DENND1A: variants seen among roughly 807,000 people sequenced by gnomAD.
DENND1A encodes the protein DENN domain containing 1A.
DENND1A carries 51 observed loss-of-function variants against 113.7 expected under a neutral mutation model. The ratio of observed to expected loss-of-function variants is 0.45; its 90% confidence interval spans 0.36 to 0.57. The LOEUF (loss-of-function observed/expected upper bound fraction) is 0.57, where lower values mean the gene tolerates loss of function less well. Among genes scored for constraint, DENND1A ranks in the 20% least tolerant of loss-of-function variants. DENND1A has a pLI of 0.00. For missense variants in DENND1A, 1,258 were observed against 1,395.9 expected (o/e 0.90, Z 1.57); for synonymous variants, 565 against 570.8 (o/e 0.99, Z 0.14).
rs542738443 is a variant in DENND1A, at chr9:123,415,119, G to A, written c.1489-3290C>T. ...CTAAAAGTTAGCAGAGTGAGCCAGC[G>A]GGATATAAAGATGCCAAGAAAGAGT... On this transcript the variant is annotated intron_variant, in intron 19 of 23. Coordinates refer to ENST00000394215, the MANE Select transcript of DENND1A (RefSeq NM_001352964.2). Among the ~76,000 whole-genome samples the A allele has an allele frequency of 2.2e-4, 33 of 152,276 alleles. 2 individuals are homozygous for A. In the South Asian group the frequency reaches 6.0e-3, roughly 28 times the overall value.
At chr9:123,413,741 T>C in intron 19 of DENND1A, 3 of 985,298 alleles carry the variant, frequency 3.0e-6, no homozygotes, top group Non-Finnish European at 3.6e-6. Flanking sequence ...TACCCGGGAG[T>C]TGGGGGTGCT....
Position 123,667,087 on chromosome 9 carries a change from A to G in DENND1A, c.454-8T>C. The G allele has an allele frequency of 6.3e-7, 1 of 1,597,722 alleles. No homozygotes were observed. Among genetic ancestry groups the G allele is most frequent in the Non-Finnish European group, 8.5e-7 (1 of 1,174,938 alleles). On this transcript the variant is annotated splice_region_variant and splice_polypyrimidine_tract_variant and intron_variant, in intron 7 of 23. Coordinates refer to ENST00000394215, the MANE Select transcript of DENND1A (RefSeq NM_001352964.2). The stretch of plus-strand genomic sequence containing the variant: ...CACAGTAAAATAAGAATGCTAGAAA[A>G]GAAAAGCAAAAGTGATTTATTTCTG...
intron 9 of DENND1A, among the ~76,000 whole-genome samples, chr9:123,637,766 T>C (rs1478370077): frequency 1.3e-5 from 2 of 152,174 alleles, no homozygotes; most frequent in Admixed American, 6.5e-5. Context: ...AAACAGTGTC[T>C]TGCTTTTCTT....
intron 21 of DENND1A, among the ~76,000 whole-genome samples, chr9:123,395,378 G>C (rs1253493924): frequency 6.6e-6 from 1 of 152,064 alleles, no homozygotes. Flanking sequence ...GGTATTCTTG[G>C]CACTTCCTGC....
chr9:123,892,940 C>T (rs1850147955), intron 1 of DENND1A, among the ~76,000 whole-genome samples: 1 of 152,000 alleles, frequency 6.6e-6, no homozygotes, highest in South Asian at 2.1e-4. Context: ...CGAGATCGCG[C>T]CACTGCACTC....
At chr9:123,847,487 C>T (rs973098869) in intron 2 of DENND1A, among the ~76,000 whole-genome samples, 1 of 152,026 alleles carries the variant, frequency 6.6e-6, no homozygotes, top group Admixed American at 6.6e-5. Flanking sequence ...ATATAGGAAG[C>T]CAGAAGACAA....
At chr9:123,640,072 C>T (rs1253465096) in intron 9 of DENND1A, among the ~76,000 whole-genome samples, 2 of 152,210 alleles carry the variant, frequency 1.3e-5, no homozygotes, top group African/African-American at 4.8e-5. Context: ...GAAACTGCTT[C>T]TGTGCTCTGA....
At chr9:123,840,326 T>C (rs1841642633) in intron 2 of DENND1A, among the ~76,000 whole-genome samples, 1 of 152,068 alleles carries the variant, frequency 6.6e-6, no homozygotes, top group Admixed American at 6.5e-5. Flanking sequence ...GAAAAAGCTC[T>C]TTGATGTTTC....
chr9:123,877,883 T>C (rs1198442124), intron 2 of DENND1A, among the ~76,000 whole-genome samples: 1 of 151,902 alleles, frequency 6.6e-6, no homozygotes, highest in African/African-American at 2.4e-5. Flanking sequence ...AACAAAGGTG[T>C]TGTCTATGGG....
At chr9:123,674,845 T>C (rs978491137) in intron 6 of DENND1A, among the ~76,000 whole-genome samples, 5 of 150,632 alleles carry the variant, frequency 3.3e-5, no homozygotes, top group Non-Finnish European at 1.5e-5. Flanking sequence ...TTTTCTCTTT[T>C]TTTTTTTTTT....
intron 11 of DENND1A, among the ~76,000 whole-genome samples, chr9:123,593,030 G>C (rs2059530694): frequency 6.6e-6 from 1 of 152,182 alleles, no homozygotes; most frequent in Non-Finnish European, 1.5e-5. Context: ...ACTCAATTGA[G>C]ATTCTATTTC....
intron 12 of DENND1A, among the ~76,000 whole-genome samples, chr9:123,581,727 A>G (rs1702476039): frequency 1.3e-5 from 2 of 152,192 alleles, no homozygotes; most frequent in Non-Finnish European, 2.9e-5. Context: ...TCTGGCAGTG[A>G]TGGTGCACCA....
chr9:123,593,327 G>A (rs933903305), intron 11 of DENND1A, among the ~76,000 whole-genome samples: 1 of 152,166 alleles, frequency 6.6e-6, no homozygotes, highest in Non-Finnish European at 1.5e-5. Context: ...AGGGTTGTGA[G>A]AGGATTAAGT....
intron 2 of DENND1A, among the ~76,000 whole-genome samples, chr9:123,807,509 C>T (rs1564309492): frequency 6.6e-6 from 1 of 152,200 alleles, no homozygotes; most frequent in East Asian, 1.9e-4. Flanking sequence ...GTACTTGTCT[C>T]CCCAGTAAGT....
intron 13 of DENND1A, among the ~76,000 whole-genome samples, chr9:123,533,062 T>C (rs2055458620): frequency 6.6e-6 from 1 of 152,198 alleles, no homozygotes; most frequent in South Asian, 2.1e-4. Context: ...TTAATGTATA[T>C]CAAAATGAGA....
At chr9:123,572,538 T>C (rs2058415805) in intron 12 of DENND1A, among the ~76,000 whole-genome samples, 1 of 152,200 alleles carries the variant, frequency 6.6e-6, no homozygotes. Flanking sequence ...CAGTAGAACC[T>C]TGTTGTGACA....
At chr9:123,408,820 A>G (rs2044086886) in intron 20 of DENND1A, among the ~76,000 whole-genome samples, 1 of 152,224 alleles carries the variant, frequency 6.6e-6, no homozygotes, top group Non-Finnish European at 1.5e-5. Flanking sequence ...CACACCAGTG[A>G]GACAACACAG....
chr9:123,384,417 G>A (rs1040257040), intron 22 of DENND1A, among the ~76,000 whole-genome samples: 1 of 152,244 alleles, frequency 6.6e-6, no homozygotes, highest in Non-Finnish European at 1.5e-5. Context: ...AGCTTGCCCT[G>A]CTAACCTTGG....
chr9:123,440,515 G>A (rs751051290), intron 18 of DENND1A, 24 bp from the exon 19 acceptor site: 8 of 1,534,308 alleles, frequency 5.2e-6, no homozygotes, highest in East Asian at 5.2e-5. Flanking sequence ...GATAGTCAGC[G>A]GTTGGCACTG....
Sources: allele counts gnomAD v4.1 joint callset (sites outside exome capture counted in the v4.1 genomes callset), GRCh38; gene constraint gnomAD v4.1.1; transcripts MANE v1.5; gene names NCBI Gene and HGNC (gene_info 2026-07-23, HGNC 2026-07-21).